Variants in ROBO1 observed in about 807,000 individuals in gnomAD.
The protein encoded by ROBO1 is roundabout guidance receptor 1, also known as roundabout homolog 1.
In ROBO1, 149 loss-of-function variants were observed where a neutral mutation model predicts 195.9. The observed-to-expected ratio is 0.76, with a 90% CI of 0.67 to 0.87. ROBO1 has a LOEUF of 0.87. ROBO1 is among the 40% of genes least tolerant of loss of function. ROBO1 has a pLI of 0.00. For missense variants in ROBO1, 1,933 were observed against 2,068.3 expected (o/e 0.93, Z 1.27); for synonymous variants, 816 against 733.2 (o/e 1.11, Z -1.82).
At chr3:78,629,260 G>A (rs543956587) in intron 25 of ROBO1, among the ~76,000 whole-genome samples, 1 of 152,120 alleles carries the variant, frequency 6.6e-6, no homozygotes, top group South Asian at 2.1e-4. Context: ...GTTAGAATCA[G>A]TCTTTCTCCT....
At chr3:79,082,732 C>T (rs1258452081) in intron 3 of ROBO1, among the ~76,000 whole-genome samples, 1 of 152,126 alleles carries the variant, frequency 6.6e-6, no homozygotes, top group Non-Finnish European at 1.5e-5. Context: ...CTCTCCCCAA[C>T]ACCTTCTCAC....
chr3:78,618,277 T>A (rs1420545509), intron 26 of ROBO1, among the ~76,000 whole-genome samples: 1 of 152,196 alleles, frequency 6.6e-6, no homozygotes. Context: ...AGAAATATAG[T>A]CAGTTATCTC....
At chr3:79,313,779 C>T (rs1470525174) in intron 2 of ROBO1, among the ~76,000 whole-genome samples, 2 of 152,104 alleles carry the variant, frequency 1.3e-5, no homozygotes, top group African/African-American at 2.4e-5. Flanking sequence ...TAAGTTACTA[C>T]ACAGTTAAAG....
Position 78,651,743 on chromosome 3 carries a change from C to A in ROBO1, c.2801G>T (p.Gly934Val). 6.2e-7 allele frequency: 1 copy of A among 1,600,852 alleles called. No homozygotes were observed. The highest frequency in any genetic ancestry group is 8.5e-7 in the Non-Finnish European group (1 of 1,174,094). ...GGGAAAGCTAATACCTTTTCTGATA[C>A]CCGCGTAGGTACTAGTAAGTCCGTT... ...KRNGLTSTYA[G>V]IRKVPSFTFT... Residue 934 changes from glycine to valine, a missense_variant, in exon 19 of 31, where the codon GGT (glycine) becomes GTT (valine). Gly to Val is a moderately radical substitution (Grantham distance 109). This residue lies in a region of ROBO1 where 1,737 missense variants were observed against 1,882.5 expected (regional missense o/e 0.92). Transcript: ENST00000464233.
intron 3 of ROBO1, among the ~76,000 whole-genome samples, chr3:79,005,582 A>C (rs2077601521): frequency 6.6e-6 from 1 of 152,222 alleles, no homozygotes; most frequent in South Asian, 2.1e-4. Context: ...GTATATCTCA[A>C]CCACCTGAGC....
chr3:78,995,084 CT>C (rs1283386853), intron 3 of ROBO1, among the ~76,000 whole-genome samples: 1 of 152,166 alleles, frequency 6.6e-6, no homozygotes, highest in East Asian at 1.9e-4. Context: ...GCACCTTATA[CT>C]TTTAATACTG....
intron 3 of ROBO1, among the ~76,000 whole-genome samples, chr3:79,109,686 A>G (rs995125059): frequency 6.6e-6 from 1 of 152,070 alleles, no homozygotes; most frequent in Non-Finnish European, 1.5e-5. Context: ...TAAACATTTT[A>G]TTAGAACTAA....
intron 2 of ROBO1, among the ~76,000 whole-genome samples, chr3:79,466,348 C>A (rs149456930): frequency 6.5e-4 from 99 of 152,132 alleles, no homozygotes; most frequent in Non-Finnish European, 1.3e-3. Flanking sequence ...ATTATTTGTC[C>A]TTGTATTTTA....
chr3:79,670,944 G>A (rs1946614649), intron 1 of ROBO1, among the ~76,000 whole-genome samples: 1 of 151,790 alleles, frequency 6.6e-6, no homozygotes, highest in Non-Finnish European at 1.5e-5. Context: ...TTGAATAACT[G>A]TCTTAGTATT....
At chr3:79,071,945 A>G (rs1316599106) in intron 3 of ROBO1, among the ~76,000 whole-genome samples, 2 of 151,862 alleles carry the variant, frequency 1.3e-5, no homozygotes, top group East Asian at 3.9e-4. Flanking sequence ...TGTATTTTGC[A>G]ATTGTCATGT....
chr3:79,279,768 T>C (rs2031362972), intron 2 of ROBO1, among the ~76,000 whole-genome samples: 1 of 152,182 alleles, frequency 6.6e-6, no homozygotes, highest in Non-Finnish European at 1.5e-5. Context: ...GATGTATATA[T>C]CACATTTTCT....
chr3:79,567,073 G>T (rs193141620), intron 2 of ROBO1, among the ~76,000 whole-genome samples: 7 of 152,098 alleles, frequency 4.6e-5, no homozygotes, highest in Non-Finnish European at 8.8e-5. Flanking sequence ...CTATGCAGCC[G>T]TAAAAAGAAG....
At chr3:79,230,422 C>T (rs1308015859) in intron 2 of ROBO1, among the ~76,000 whole-genome samples, 1 of 152,056 alleles carries the variant, frequency 6.6e-6, no homozygotes, top group African/African-American at 2.4e-5. Flanking sequence ...TGCCTCACCC[C>T]TATTCACCCC....
intron 3 of ROBO1, among the ~76,000 whole-genome samples, chr3:78,957,821 CATTT>C (rs2041127804): frequency 6.6e-6 from 1 of 152,156 alleles, no homozygotes; most frequent in Non-Finnish European, 1.5e-5. Flanking sequence ...CAGGGAAAAC[CATTT>C]ATTTAAACTT....
chr3:79,401,583 GAA>G (rs2037367806), intron 2 of ROBO1, among the ~76,000 whole-genome samples: 1 of 151,882 alleles, frequency 6.6e-6, no homozygotes, highest in East Asian at 1.9e-4. Flanking sequence ...TTAAGTTTTT[GAA>G]AGAGTTTAAG....
chr3:79,082,309 A>G (rs527735458), intron 3 of ROBO1, among the ~76,000 whole-genome samples: 1 of 152,288 alleles, frequency 6.6e-6, no homozygotes, highest in South Asian at 2.1e-4. Context: ...GAAAAGTCAT[A>G]TATTGTCTAT....
chr3:79,012,036 T>C (rs1056017914), intron 3 of ROBO1, among the ~76,000 whole-genome samples: 1 of 152,118 alleles, frequency 6.6e-6, no homozygotes, highest in Non-Finnish European at 1.5e-5. Flanking sequence ...TACACATGAG[T>C]TGAATTTAGA....
intron 2 of ROBO1, among the ~76,000 whole-genome samples, chr3:79,487,245 T>A: frequency 1.3e-5 from 1 of 78,494 alleles, no homozygotes; most frequent in East Asian, 3.9e-4. Context: ...GTTATAGAGG[T>A]CCCACCTGAG....
At chr3:79,535,406 T>G (rs1214292340) in intron 2 of ROBO1, among the ~76,000 whole-genome samples, 2 of 152,068 alleles carry the variant, frequency 1.3e-5, no homozygotes, top group Non-Finnish European at 2.9e-5. Context: ...AGCTACTGAG[T>G]TCATGAGAAG....
Sources: allele counts gnomAD v4.1 joint callset (sites outside exome capture counted in the v4.1 genomes callset), GRCh38; gene constraint gnomAD v4.1.1; regional missense constraint gnomAD v4.1.1; transcripts MANE v1.5; gene names NCBI Gene and HGNC (gene_info 2026-07-23, HGNC 2026-07-21).